The following DNAJC18 variants were observed in gnomAD, a reference collection of about 807,000 sequenced individuals.
The protein encoded by DNAJC18 is dnaJ homolog subfamily C member 18.
DNAJC18 carries 40 observed loss-of-function variants against 48.6 expected under a neutral mutation model. The ratio of observed to expected loss-of-function variants is 0.82; its 90% CI spans 0.64 to 1.07. DNAJC18 has a LOEUF of 1.07. Ranked by LOEUF, DNAJC18 falls within the 50% of genes least tolerant of loss-of-function variation. DNAJC18 has a pLI of 0.00. For synonymous variants in DNAJC18, 135 were observed against 152.2 expected, an observed-to-expected ratio of 0.89 and a Z score of 0.83; for missense variants, 340 against 427.7, an observed-to-expected ratio of 0.79 and a Z score of 1.81.
intron 2 of DNAJC18, among the ~76,000 whole-genome samples, chr5:139,434,700 C>T (rs1400688407): frequency 1.3e-5 from 2 of 151,964 alleles, no homozygotes; most frequent in African/African-American, 4.8e-5. Context: ...GTATATTGAT[C>T]TTATATCCTG....
intron 7 of DNAJC18, among the ~76,000 whole-genome samples, chr5:139,418,401 C>G (rs1483201740): frequency 1.3e-5 from 2 of 152,224 alleles, no homozygotes; most frequent in African/African-American, 4.8e-5. Flanking sequence ...CTCGGCCTCC[C>G]AAAGTGCTAG....
chr5:139,425,890 G>A (rs1370751468), intron 4 of DNAJC18, among the ~76,000 whole-genome samples: 1 of 152,066 alleles, frequency 6.6e-6, no homozygotes, highest in African/African-American at 2.4e-5. Context: ...TTATTTATAA[G>A]GCACTTAAAA....
chr5:139,411,339 G>A lies in DNAJC18; in HGVS notation c.*2809C>T, dbSNP rs1459285980. 6.6e-6 allele frequency: 1 copy of A among 152,170 alleles called. No homozygotes were observed. The highest frequency in any genetic ancestry group is 1.5e-5 in the Non-Finnish European group (1 of 68,034). 9.4% of individuals were successfully genotyped at this position (152,170 alleles called of 1,614,324 possible). On this transcript the variant is annotated 3_prime_UTR_variant, in exon 8 of 8. Coordinates refer to ENST00000302060, the MANE Select transcript of DNAJC18 (RefSeq NM_152686.4). ...TGAATGAGAGCTTCAGTTTCTGCTT[G>A]AGCCTCAAGCCCTATTTCTGAGCGC...
At chr5:139,431,603 T>C (rs2152084697) in intron 2 of DNAJC18, among the ~76,000 whole-genome samples, 1 of 152,370 alleles carries the variant, frequency 6.6e-6, no homozygotes, top group Admixed American at 6.5e-5. Flanking sequence ...CCATTATCAG[T>C]TAATGGACAT....
chr5:139,419,773 G>T (rs1287742280), intron 7 of DNAJC18, among the ~76,000 whole-genome samples: 1 of 152,170 alleles, frequency 6.6e-6, no homozygotes, highest in Non-Finnish European at 1.5e-5. Flanking sequence ...AGGAGAGGGG[G>T]CAGATTGGCA....
At chr5:139,430,976 T>C (rs1188435421) in intron 2 of DNAJC18, among the ~76,000 whole-genome samples, 4 of 152,200 alleles carry the variant, frequency 2.6e-5, no homozygotes, top group East Asian at 3.8e-4. Context: ...TTTGCTACTA[T>C]ATAATTCAGT....
chr5:139,428,523 G>A lies in DNAJC18; in HGVS notation c.373+15C>T. The A allele has an allele frequency of 6.2e-7, 1 of 1,602,204 alleles. No homozygotes were observed. The highest frequency in any genetic ancestry group is 8.5e-7 in the Non-Finnish European group (1 of 1,176,612). ...CATGACAAGGGCACCATTGAGCATT[G>A]GTTCAGGATCAGACCTTTGAAAGCA... On this transcript the variant is annotated intron_variant, in intron 3 of 7. Transcript: ENST00000302060.
chr5:139,435,507 G>A (rs980069142), intron 2 of DNAJC18, among the ~76,000 whole-genome samples: 1 of 151,958 alleles, frequency 6.6e-6, no homozygotes, highest in African/African-American at 2.4e-5. Flanking sequence ...AATCCCACTT[G>A]GTGAAAATAT....
chr5:139,413,039 A>G lies in DNAJC18; in HGVS notation c.*1109T>C, dbSNP rs1448564602. ...CCTCTCTGGGCCAATGTTCTCATTC[A>G]TAGAACCAGGGATAATACATCTACT... On this transcript the variant is annotated 3_prime_UTR_variant, in exon 8 of 8. Coordinates refer to ENST00000302060, the MANE Select transcript of DNAJC18 (RefSeq NM_152686.4). 1 of 397,644 alleles carries G rather than the reference A, an allele frequency of 2.5e-6. No homozygotes were observed. The highest frequency in any genetic ancestry group is 4.4e-6 in the Non-Finnish European group (1 of 225,976). The allele number at this position is 397,644 out of a possible 1,614,324, so 24.6% of individuals were successfully genotyped here. A position where few individuals can be genotyped will look rare whatever the true frequency, so the allele number is the denominator to read the frequency against.
intron 2 of DNAJC18, among the ~76,000 whole-genome samples, chr5:139,435,511 A>G (rs1750622496): frequency 6.6e-6 from 1 of 152,124 alleles, no homozygotes; most frequent in Non-Finnish European, 1.5e-5. Context: ...CCACTTGGTG[A>G]AAATATATAA....
chr5:139,439,508 G>A lies in DNAJC18; in HGVS notation c.-63C>T. On this transcript the variant is annotated 5_prime_UTR_variant, in exon 1 of 8. Transcript: ENST00000302060. The surrounding 1 kb of genome is among the most constrained non-coding windows in gnomAD (Gnocchi z 4.1). ...GTGCCCGAGGCTGAAAGAGAAGGGG[G>A]CGCGGAGCGCGGGGCACGCTGGTCA... 3.1e-6 allele frequency: 5 copies of A among 1,612,674 alleles called. No homozygotes were observed. Among genetic ancestry groups the A allele is most frequent in the Non-Finnish European group, 4.2e-6 (5 of 1,179,412 alleles).
chr5:139,420,211 G>A lies in DNAJC18; in HGVS notation c.794C>T (p.Thr265Ile), dbSNP rs1250689206. ...SLFYKSTLGY[T>I]ISRETQNLQV... ...CAGGTTCTGAGTTTCTCTAGAAATG[G>A]TGTAGCCCAAGGTCCTGAAACAAGG... Residue 265 changes from threonine to isoleucine, a missense_variant, in exon 7 of 8, where the codon ACC becomes ATC. Physicochemically the swap from Thr to Ile is moderately conservative, Grantham distance 89. Transcript: ENST00000302060. The A allele has an allele frequency of 1.2e-6, 2 of 1,609,890 alleles. No homozygotes were observed. The highest frequency in any genetic ancestry group is 1.7e-6 in the Non-Finnish European group (2 of 1,179,006).
In DNAJC18 at chr5:139,426,334, G is replaced by C; in HGVS notation, c.397C>G (p.Leu133Val). 6.2e-7 allele frequency: 1 copy of C among 1,614,026 alleles called. No homozygotes were observed. The highest frequency in any genetic ancestry group is 8.5e-7 in the Non-Finnish European group (1 of 1,179,974). ...CGAAGTCTCTTATCAGGATTGCTCA[G>C]GACTGCAAATGCATTTCCTATTGCT... ...FKAIGNAFAV[L>V]SNPDKRLRYD... Residue 133 changes from leucine to valine, a missense_variant, in exon 4 of 8, where the codon CTG becomes GTG. Transcript: ENST00000302060.
At chr5:139,422,563 T>G in intron 6 of DNAJC18, 145 bp downstream of exon 6, 1 of 649,490 alleles carries the variant, frequency 1.5e-6, no homozygotes, top group South Asian at 1.8e-5. Context: ...CTCAGCACCA[T>G]GACTACCCAG....
rs1581416998 is a variant in DNAJC18, at chr5:139,424,192, C to T, written c.669+813G>A. Reference sequence around the variant, plus strand: ...GCAAGGGGAAGTAGAACAAGCAAAGCTGCTTGGTGAAAACAAAACAGAGGC... The same window carrying T: ...GCAAGGGGAAGTAGAACAAGCAAAGTTGCTTGGTGAAAACAAAACAGAGGC... On this transcript the variant is annotated intron_variant, in intron 5 of 7. Coordinates refer to ENST00000302060, the MANE Select transcript of DNAJC18 (RefSeq NM_152686.4). 2.0e-5 allele frequency among the ~76,000 whole-genome samples: 3 copies of T among 152,300 alleles called. No homozygotes were observed. The East Asian group carries it at 5.8e-4, about 29-fold the overall frequency.
intron 2 of DNAJC18, among the ~76,000 whole-genome samples, chr5:139,429,080 C>CTTTTT (rs559935676): frequency 2.3e-4 from 26 of 114,570 alleles, no homozygotes; most frequent in South Asian, 3.1e-4. Flanking sequence ...GTATTTTTTG[C>CTTTTT]TTTTTTTTTT....
chr5:139,434,490 A>C (rs928196128), intron 2 of DNAJC18, among the ~76,000 whole-genome samples: 3 of 151,914 alleles, frequency 2.0e-5, no homozygotes, highest in Non-Finnish European at 2.9e-5. Flanking sequence ...CACCTGGCTA[A>C]ATTTTTATTT....
chr5:139,434,473 G>A (rs1750598364), intron 2 of DNAJC18, among the ~76,000 whole-genome samples: 1 of 152,036 alleles, frequency 6.6e-6, no homozygotes, highest in Non-Finnish European at 1.5e-5. Flanking sequence ...TTGGGTGCAT[G>A]CCACCACACC....
In DNAJC18 at chr5:139,422,762, G is replaced by T. The variant is rs1441430617; in HGVS notation, c.725C>A (p.Ser242Tyr). 1.9e-6 allele frequency: 3 copies of T among 1,610,936 alleles called. No homozygotes were observed. The East Asian group carries it at 6.7e-5, about 36-fold the overall frequency. The change falls in exon 6 of 8, where the codon TCT (serine) becomes TAT (tyrosine). Residue 242 changes from serine to tyrosine, a missense_variant. Physicochemically the swap from Ser to Tyr is moderately radical, Grantham distance 144 (BLOSUM62 -2). Coordinates refer to ENST00000302060, the MANE Select transcript of DNAJC18 (RefSeq NM_152686.4). ...LLPVLVIVII[S>Y]VITQLLATNP... ...AGTAGCCAGCAGCTGAGTAATGACAGATATAATCACAATCACAAGAACTGG... is the reference window on the plus strand; with the variant it reads ...AGTAGCCAGCAGCTGAGTAATGACATATATAATCACAATCACAAGAACTGG...
Sources: allele counts gnomAD v4.1 joint callset (sites outside exome capture counted in the v4.1 genomes callset), GRCh38; gene constraint gnomAD v4.1.1; non-coding constraint Gnocchi (gnomAD v3.1); transcripts MANE v1.5; gene names NCBI Gene and HGNC (gene_info 2026-07-23, HGNC 2026-07-21).